The following GPC5 variants were observed in gnomAD, a reference collection of about 807,000 sequenced individuals.
GPC5 encodes the protein glypican-5.
A neutral mutation model predicts 53.9 loss-of-function variants in GPC5; 47 were observed. The ratio of observed to expected loss-of-function variants is 0.87; its 90% CI spans 0.69 to 1.11. The LOEUF (loss-of-function observed/expected upper bound fraction) is 1.11, where lower values mean the gene tolerates loss of function less well. Among genes scored for constraint, GPC5 ranks in the 50% most tolerant of loss-of-function variants. The pLI is 0.00. For missense variants in GPC5, 748 were observed against 713.1 expected, an observed-to-expected ratio of 1.05 and a Z score of -0.56; for synonymous variants, 286 against 263.3, an observed-to-expected ratio of 1.09 and a Z score of -0.84.
At chr13:91,711,411 A>G (rs9560839) in intron 3 of GPC5, among the ~76,000 whole-genome samples, 2 of 150,802 alleles carry the variant, frequency 1.3e-5, no homozygotes, top group East Asian at 2.0e-4. Context: ...CAATGAGAAC[A>G]CTTGGACACA....
intron 7 of GPC5, among the ~76,000 whole-genome samples, chr13:92,168,896 A>G (rs1466001392): frequency 6.6e-6 from 1 of 152,228 alleles, no homozygotes; most frequent in Non-Finnish European, 1.5e-5. Flanking sequence ...TGTTCATTGC[A>G]GCACTATTCA....
intron 3 of GPC5, among the ~76,000 whole-genome samples, chr13:91,696,597 T>C (rs886970936): frequency 6.6e-6 from 1 of 152,138 alleles, no homozygotes; most frequent in African/African-American, 2.4e-5. Context: ...CCCAAAGAAA[T>C]CTCTGAGATC....
chr13:92,583,594 C>A (rs1366121129), intron 7 of GPC5, among the ~76,000 whole-genome samples: 3 of 152,136 alleles, frequency 2.0e-5, no homozygotes, highest in Non-Finnish European at 2.9e-5. Context: ...TTCTGGAACC[C>A]AGCATGAGAC....
intron 5 of GPC5, among the ~76,000 whole-genome samples, chr13:91,785,300 G>A (rs1451217057): frequency 6.6e-6 from 1 of 152,166 alleles, no homozygotes; most frequent in African/African-American, 2.4e-5. Flanking sequence ...ATGTTCAGCA[G>A]TATCCCTGGT....
At chr13:91,667,842 A>C (rs569694809) in intron 2 of GPC5, among the ~76,000 whole-genome samples, 2 of 152,218 alleles carry the variant, frequency 1.3e-5, no homozygotes, top group Non-Finnish European at 2.9e-5. Flanking sequence ...CATTGCCATG[A>C]TGCCTAGAGA....
At chr13:92,402,162 T>C (rs1289971985) in intron 7 of GPC5, among the ~76,000 whole-genome samples, 1 of 152,172 alleles carries the variant, frequency 6.6e-6, no homozygotes, top group Non-Finnish European at 1.5e-5. Context: ...CTAGCCAGAA[T>C]TTAAATTAGC....
intron 7 of GPC5, among the ~76,000 whole-genome samples, chr13:92,592,973 C>A (rs12873628): frequency 6.6e-6 from 1 of 150,540 alleles, no homozygotes; most frequent in African/African-American, 2.4e-5. Flanking sequence ...AGGAAGTGGG[C>A]GATGTGCAGT....
At chr13:92,049,149 A>G (rs1250950350) in intron 6 of GPC5, among the ~76,000 whole-genome samples, 1 of 152,154 alleles carries the variant, frequency 6.6e-6, no homozygotes, top group Non-Finnish European at 1.5e-5. Flanking sequence ...AGAGCAACTA[A>G]AAATGAACAT....
chr13:92,252,740 A>C (rs934017216), intron 7 of GPC5, among the ~76,000 whole-genome samples: 1 of 152,140 alleles, frequency 6.6e-6, no homozygotes, highest in African/African-American at 2.4e-5. Flanking sequence ...TTGGTAATGC[A>C]CAGTTAAAAA....
intron 7 of GPC5, among the ~76,000 whole-genome samples, chr13:92,459,607 G>T (rs1878403404): frequency 6.6e-6 from 1 of 152,120 alleles, no homozygotes; most frequent in African/African-American, 2.4e-5. Flanking sequence ...AGACAGGCTG[G>T]ATGTACCGAA....
chr13:92,317,589 G>C (rs1424951037), intron 7 of GPC5, among the ~76,000 whole-genome samples: 4 of 152,120 alleles, frequency 2.6e-5, no homozygotes, highest in African/African-American at 7.2e-5. Flanking sequence ...AGCCTCCTGG[G>C]TTCAAGTGAT....
chr13:91,891,744 G>T (rs2039388743), intron 5 of GPC5, among the ~76,000 whole-genome samples: 1 of 152,112 alleles, frequency 6.6e-6, no homozygotes, highest in Admixed American at 6.6e-5. Flanking sequence ...TTTATCTCAT[G>T]TGGTTAAATT....
intron 6 of GPC5, among the ~76,000 whole-genome samples, chr13:92,061,053 G>A (rs569461627): frequency 6.6e-6 from 1 of 151,634 alleles, no homozygotes; most frequent in African/African-American, 2.4e-5. Context: ...TGGATTTGGA[G>A]TATGGTGGTT....
Position 91,782,671 on chromosome 13 carries a change from A to G in GPC5, c.1280+26251A>G, listed in dbSNP as rs151309868. On this transcript the variant is annotated intron_variant, in intron 5 of 7. Transcript: ENST00000377067. ...AAATCAATAGGTATTAATTTTGTGTACCTAATTTATGAAACTTTTAGCCTA... is the reference window on the plus strand; with the variant it reads ...AAATCAATAGGTATTAATTTTGTGTGCCTAATTTATGAAACTTTTAGCCTA... Among the ~76,000 whole-genome samples, 17 of 152,294 alleles carry G rather than the reference A, an allele frequency of 1.1e-4. No individual in the cohort carries two copies. The East Asian group carries it at 3.3e-3, about 29-fold the overall frequency.
At chr13:92,176,241 C>T (rs1593963286) in intron 7 of GPC5, among the ~76,000 whole-genome samples, 1 of 152,270 alleles carries the variant, frequency 6.6e-6, no homozygotes, top group South Asian at 2.1e-4. Flanking sequence ...ACTGCTTATC[C>T]AGAGACTACA....
intron 7 of GPC5, among the ~76,000 whole-genome samples, chr13:92,469,102 T>C (rs1157627811): frequency 6.6e-6 from 1 of 152,170 alleles, no homozygotes; most frequent in Non-Finnish European, 1.5e-5. Context: ...TCAAGATACA[T>C]GTATAGAATA....
chr13:92,327,834 C>T (rs1417913745), intron 7 of GPC5, among the ~76,000 whole-genome samples: 3 of 152,152 alleles, frequency 2.0e-5, no homozygotes, highest in Admixed American at 1.3e-4. Context: ...CTTTCTCACT[C>T]ACTTCCCAAA....
intron 6 of GPC5, among the ~76,000 whole-genome samples, chr13:92,089,089 T>G (rs2041357579): frequency 6.6e-6 from 1 of 152,146 alleles, no homozygotes; most frequent in African/African-American, 2.4e-5. Context: ...AAGAATCAAG[T>G]CCGGAAAAAT....
At chr13:91,713,466 C>T (rs2036272115) in intron 3 of GPC5, among the ~76,000 whole-genome samples, 1 of 152,086 alleles carries the variant, frequency 6.6e-6, no homozygotes, top group Non-Finnish European at 1.5e-5. Flanking sequence ...TTTCTCCTTT[C>T]CTTTCCCGTC....
Sources: allele counts gnomAD v4.1 joint callset (sites outside exome capture counted in the v4.1 genomes callset), GRCh38; gene constraint gnomAD v4.1.1; transcripts MANE v1.5; gene names NCBI Gene and HGNC (gene_info 2026-07-23, HGNC 2026-07-21).